Variants in ATRN observed in about 807,000 individuals in gnomAD.
The protein encoded by ATRN is attractin-2.
In ATRN, 54 loss-of-function variants were observed where a neutral mutation model predicts 178.7. That is an observed-to-expected ratio of 0.30 (90% CI 0.24 to 0.38). The LOEUF is 0.38. Ranked by LOEUF, ATRN falls within the 10% of genes least tolerant of loss-of-function variation. ATRN has a pLI of 1.00. For synonymous variants in ATRN, 636 were observed against 663.0 expected (o/e 0.96, Z 0.63); for missense variants, 1,443 against 1,815.1 (o/e 0.79, Z 3.73).
At chr20:3,483,810 CAG>C (rs1217009435) in intron 1 of ATRN, among the ~76,000 whole-genome samples, 2 of 151,268 alleles carry the variant, frequency 1.3e-5, no homozygotes, top group Non-Finnish European at 3.0e-5. Flanking sequence ...CAAAAAAAAA[CAG>C]ATTTATAGAG....
At chr20:3,480,553 C>G (rs550653005) in intron 1 of ATRN, among the ~76,000 whole-genome samples, 1 of 152,072 alleles carries the variant, frequency 6.6e-6, no homozygotes, top group South Asian at 2.1e-4. Flanking sequence ...TTTCTTAAGC[C>G]GGTTAGAGTT....
intron 12 of ATRN, among the ~76,000 whole-genome samples, chr20:3,573,162 C>T (rs1434878470): frequency 2.6e-5 from 4 of 152,146 alleles, no homozygotes; most frequent in East Asian, 3.9e-4. Flanking sequence ...AAGCTGTCTG[C>T]GAGTGATAGA....
At chr20:3,642,692 T>A (rs1473923771) in intron 27 of ATRN, among the ~76,000 whole-genome samples, 1 of 152,222 alleles carries the variant, frequency 6.6e-6, no homozygotes, top group Non-Finnish European at 1.5e-5. Context: ...AATTATTTTC[T>A]TCAGCCAAAC....
At chr20:3,530,662 C>A (rs559703464) in intron 1 of ATRN, among the ~76,000 whole-genome samples, 18 of 151,966 alleles carry the variant, frequency 1.2e-4, no homozygotes, top group African/African-American at 4.1e-4. Flanking sequence ...ATTTAATAAT[C>A]TTAATCATAT....
At chr20:3,520,961 T>C (rs1284065180) in intron 1 of ATRN, among the ~76,000 whole-genome samples, 1 of 152,210 alleles carries the variant, frequency 6.6e-6, no homozygotes, top group Admixed American at 6.5e-5. Context: ...GGAGTGGCTA[T>C]ATTAAGATCG....
chr20:3,563,809 G>T (rs906008477), intron 10 of ATRN, among the ~76,000 whole-genome samples: 9 of 152,142 alleles, frequency 5.9e-5, no homozygotes, highest in African/African-American at 2.2e-4. Flanking sequence ...CATACCGGAT[G>T]ATCTCTTTCA....
intron 18 of ATRN, among the ~76,000 whole-genome samples, chr20:3,588,988 T>G (rs1382296939): frequency 7.4e-6 from 1 of 135,268 alleles, no homozygotes; most frequent in African/African-American, 2.8e-5. Context: ...TTTGTTTTTT[T>G]TTTTTTTTTT....
intron 6 of ATRN, among the ~76,000 whole-genome samples, chr20:3,557,062 A>G (rs895684495): frequency 4.6e-5 from 7 of 152,246 alleles, no homozygotes; most frequent in African/African-American, 1.4e-4. Context: ...TGGCTTGAAC[A>G]TAAAGTCTAT....
chr20:3,516,617 G>A (rs1470659362), intron 1 of ATRN, among the ~76,000 whole-genome samples: 4 of 152,088 alleles, frequency 2.6e-5, no homozygotes, highest in Non-Finnish European at 4.4e-5. Flanking sequence ...AGGAGCCAAG[G>A]GGGATATGAA....
At chr20:3,617,781 C>T (rs527581088) in intron 24 of ATRN, among the ~76,000 whole-genome samples, 1 of 152,074 alleles carries the variant, frequency 6.6e-6, no homozygotes, top group East Asian at 1.9e-4. Flanking sequence ...CTGGGCGGGC[C>T]TGGAGCATAG....
chr20:3,525,217 A>G lies in ATRN; in HGVS notation c.411-10036A>G, dbSNP rs1481959393. On this transcript the variant is annotated intron_variant, in intron 1 of 28. Transcript: ENST00000262919. ...CACAATAAAAAATGATAAAGGGGATATCACCACTGATCCCAAAGAAATAGA... is the reference window on the plus strand; with the variant it reads ...CACAATAAAAAATGATAAAGGGGATGTCACCACTGATCCCAAAGAAATAGA... Among the ~76,000 whole-genome samples, 8 of 152,320 alleles carry G rather than the reference A, an allele frequency of 5.3e-5. No individual in the cohort carries two copies. In the South Asian group the frequency reaches 1.5e-3, roughly 28 times the overall value.
chr20:3,526,502 C>T (rs1013910409), intron 1 of ATRN, among the ~76,000 whole-genome samples: 8 of 152,036 alleles, frequency 5.3e-5, no homozygotes, highest in Non-Finnish European at 1.0e-4. Flanking sequence ...TGAAAATGGC[C>T]ATATTGCTGA....
chr20:3,629,780 T>C (rs1336451013), intron 25 of ATRN, among the ~76,000 whole-genome samples: 5 of 152,148 alleles, frequency 3.3e-5, no homozygotes, highest in African/African-American at 1.2e-4. Context: ...ACAGTTTTAT[T>C]ATACAGGGTA....
intron 22 of ATRN, among the ~76,000 whole-genome samples, chr20:3,598,331 C>G (rs1360576969): frequency 6.6e-6 from 1 of 152,134 alleles, no homozygotes; most frequent in Non-Finnish European, 1.5e-5. Flanking sequence ...TTTACTCTCT[C>G]AAGAGTGACC....
chr20:3,489,531 A>G, intron 1 of ATRN: 3 of 1,429,216 alleles, frequency 2.1e-6, no homozygotes, highest in Non-Finnish European at 3.0e-6. Context: ...CCTGAGCACT[A>G]GAGCAGTCCT....
At chr20:3,547,664 A>G (rs574040216) in intron 5 of ATRN, among the ~76,000 whole-genome samples, 175 bp downstream of exon 5, 4 of 152,284 alleles carry the variant, frequency 2.6e-5, no homozygotes, top group East Asian at 1.9e-4. Flanking sequence ...GGTTTCATAC[A>G]TGTGTGGTCA....
At chr20:3,513,168 C>G (rs2085160114) in intron 1 of ATRN, among the ~76,000 whole-genome samples, 1 of 152,134 alleles carries the variant, frequency 6.6e-6, no homozygotes. Flanking sequence ...GTGTTTTAGT[C>G]ATGAAGTCCT....
In ATRN at chr20:3,641,824, AAAG is replaced by A. The variant is rs532007936; in HGVS notation, c.4051-2327_4051-2325del. 1.5e-3 allele frequency among the ~76,000 whole-genome samples: 223 copies of A among 152,282 alleles called. 1 individual carries two copies. Among genetic ancestry groups the A allele is most frequent in the Middle Eastern group, 6.8e-3 (2 of 294 alleles). On this transcript the variant is annotated intron_variant, in intron 27 of 28. Coordinates refer to ENST00000262919, the MANE Select transcript of ATRN (RefSeq NM_139321.3). Reference sequence around the variant, plus strand: ...AATTTGCCACCAGCAGACCTGCACAAAAGAAATGTCTGAAGGATGTGCTAAAAT... The same window carrying A: ...AATTTGCCACCAGCAGACCTGCACAAAAATGTCTGAAGGATGTGCTAAAAT...
In ATRN at chr20:3,535,321, G is replaced by T; in HGVS notation, c.479G>T (p.Trp160Leu). 2 of 1,546,592 alleles carry T rather than the reference G, an allele frequency of 1.3e-6. No homozygotes were observed. The highest frequency in any genetic ancestry group is 1.8e-6 in the Non-Finnish European group (2 of 1,138,718). The change falls in exon 2 of 29, where the codon TGG (tryptophan) becomes TTG (leucine). Residue 160 changes from tryptophan to leucine, a missense_variant. Trp to Leu is a moderately conservative substitution (Grantham distance 61, BLOSUM62 -2). Around this residue, in one of 4 missense-constraint regions of ATRN, gnomAD observed 862 missense variants for 972.1 expected, o/e 0.89. Transcript: ENST00000262919. ...TATAAATACAAAACGAAGTGCACGT[G>T]GCTCATTGAAGGACAGTAAGTAGAA... ...GNYKYKTKCTWLIEGQPNRIM... is the reference protein window; with the variant it reads ...GNYKYKTKCTLLIEGQPNRIM...
Sources: allele counts gnomAD v4.1 joint callset (sites outside exome capture counted in the v4.1 genomes callset), GRCh38; gene constraint gnomAD v4.1.1; regional missense constraint gnomAD v4.1.1; transcripts MANE v1.5; gene names NCBI Gene and HGNC (gene_info 2026-07-23, HGNC 2026-07-21).